STXBP4: variants seen among roughly 807,000 people sequenced by gnomAD.
The protein encoded by STXBP4 is syntaxin-binding protein 4.
In STXBP4, 55 loss-of-function variants were observed where a neutral mutation model predicts 76.1. The ratio of observed to expected loss-of-function variants is 0.72; its 90% CI spans 0.58 to 0.91. STXBP4 has a LOEUF of 0.91. Among genes scored for constraint, STXBP4 ranks in the 40% least tolerant of loss-of-function variants. STXBP4 has a pLI of 0.00. For synonymous variants in STXBP4, 201 were observed against 220.2 expected, an observed-to-expected ratio of 0.91 and a Z score of 0.77; for missense variants, 618 against 636.9, an observed-to-expected ratio of 0.97 and a Z score of 0.32.
chr17:55,058,243 A>T (rs1325424557), intron 12 of STXBP4, among the ~76,000 whole-genome samples: 1 of 152,172 alleles, frequency 6.6e-6, no homozygotes, highest in Admixed American at 6.5e-5. Context: ...CATGATCGCC[A>T]TTCTAACTGG....
intron 16 of STXBP4, among the ~76,000 whole-genome samples, chr17:55,122,750 G>T (rs1407200761): frequency 6.6e-6 from 1 of 152,078 alleles, no homozygotes; most frequent in Non-Finnish European, 1.5e-5. Flanking sequence ...GTGTCTATGT[G>T]TGCTAATGGA....
At chr17:55,079,286 A>G (rs1216147121) in intron 15 of STXBP4, among the ~76,000 whole-genome samples, 1 of 152,200 alleles carries the variant, frequency 6.6e-6, no homozygotes, top group African/African-American at 2.4e-5. Flanking sequence ...CATACTAATC[A>G]AATTTATTTA....
rs10632680 is a variant in STXBP4, at chr17:55,125,479, C to CAA, written c.1490-15811_1490-15810dup. ...CCTATTGTAAACCCTGGACAAAATA[C>CAA]AAAAAAAAAAAAAAAAAAAAATACA... is the stretch of plus-strand genomic sequence containing the variant. On this transcript the variant is annotated intron_variant, in intron 16 of 17. Coordinates refer to ENST00000376352, the MANE Select transcript of STXBP4 (RefSeq NM_178509.6). Among the ~76,000 whole-genome samples the CAA allele has an allele frequency of 8.8e-3, 803 of 91,714 alleles. 17 individuals are homozygous for CAA. Among genetic ancestry groups the CAA allele is most frequent in the Middle Eastern group, 0.032 (4 of 124 alleles). 60.2% of individuals were successfully genotyped at this position (91,714 alleles called of 152,430 possible).
chr17:54,970,984 A>AT (rs397688091), intron 1 of STXBP4, among the ~76,000 whole-genome samples: 1 of 151,444 alleles, frequency 6.6e-6, no homozygotes, highest in Non-Finnish European at 1.5e-5. Flanking sequence ...TGACAACTAA[A>AT]TATTTTGGTT....
At chr17:55,150,656 G>A (rs1470770072) in intron 17 of STXBP4, among the ~76,000 whole-genome samples, 2 of 152,056 alleles carry the variant, frequency 1.3e-5, no homozygotes, top group African/African-American at 4.8e-5. Flanking sequence ...CATGCTAAAC[G>A]TTTAGCAAGT....
chr17:55,102,209 G>A (rs770419284), intron 16 of STXBP4, among the ~76,000 whole-genome samples: 4 of 151,756 alleles, frequency 2.6e-5, no homozygotes, highest in Non-Finnish European at 5.9e-5. Flanking sequence ...CACATGCCAT[G>A]GTGGTTTGCT....
chr17:55,210,474 G>T, the STXBP4 span, among the ~76,000 whole-genome samples: 1 of 152,162 alleles, frequency 6.6e-6, no homozygotes, highest in African/African-American at 2.4e-5. Flanking sequence ...ATGTTGGCAG[G>T]TTGCCATCTG....
At chr17:55,113,676 A>G (rs778518005) in intron 16 of STXBP4, among the ~76,000 whole-genome samples, 36 of 152,146 alleles carry the variant, frequency 2.4e-4, no homozygotes, top group Non-Finnish European at 4.9e-4. Flanking sequence ...TTTTGAAAAG[A>G]CCTGGAAAGA....
At chr17:55,184,673 C>T in the STXBP4 span, among the ~76,000 whole-genome samples, 1 of 152,126 alleles carries the variant, frequency 6.6e-6, no homozygotes, top group African/African-American at 2.4e-5. Flanking sequence ...TCATAAACGT[C>T]AGGGGAAAAC....
intron 16 of STXBP4, among the ~76,000 whole-genome samples, chr17:55,126,759 T>C (rs1226809808): frequency 1.3e-5 from 2 of 152,224 alleles, no homozygotes; most frequent in African/African-American, 4.8e-5. Context: ...ACTGGGTTTC[T>C]ATATTCCATA....
chr17:55,050,702 G>T (rs930967308), intron 12 of STXBP4, among the ~76,000 whole-genome samples: 2 of 152,076 alleles, frequency 1.3e-5, no homozygotes, highest in African/African-American at 4.8e-5. Context: ...ACAAAGTCTT[G>T]TTCCATCCAG....
intron 16 of STXBP4, among the ~76,000 whole-genome samples, chr17:55,133,898 CATTTTTGTAAG>C (rs2079998995): frequency 6.6e-6 from 1 of 151,898 alleles, no homozygotes. Flanking sequence ...TAGACAAATC[CATTTTTGTAAG>C]GTTTTTGTAA....
At chr17:55,192,986 AC>A in the STXBP4 span, among the ~76,000 whole-genome samples, 1 of 152,208 alleles carries the variant, frequency 6.6e-6, no homozygotes, top group African/African-American at 2.4e-5. Context: ...AATACCATGC[AC>A]TTAACCACTG....
intron 11 of STXBP4, 125 bp downstream of exon 11, chr17:55,043,450 T>C (rs1205345553): frequency 2.7e-6 from 2 of 747,386 alleles, no homozygotes; most frequent in African/African-American, 1.8e-5. Context: ...TAATATCAAA[T>C]AGTAAAAATC....
intron 17 of STXBP4, among the ~76,000 whole-genome samples, chr17:55,153,065 T>C (rs1191733303): frequency 1.3e-5 from 2 of 152,174 alleles, no homozygotes; most frequent in East Asian, 1.9e-4. Flanking sequence ...ATCCCGGCTC[T>C]AACATGCACT....
intron 10 of STXBP4, among the ~76,000 whole-genome samples, chr17:55,042,460 G>A (rs1246692773): frequency 6.6e-6 from 1 of 151,550 alleles, no homozygotes; most frequent in Non-Finnish European, 1.5e-5. Flanking sequence ...TATCTAAAGG[G>A]CCCTGCTTTA....
At chr17:54,987,754 C>CT (rs2077647440) in intron 3 of STXBP4, among the ~76,000 whole-genome samples, 1 of 152,060 alleles carries the variant, frequency 6.6e-6, no homozygotes, top group Admixed American at 6.6e-5. Flanking sequence ...ATCAGAGGGT[C>CT]TTTTTTTGTT....
intron 1 of STXBP4, among the ~76,000 whole-genome samples, chr17:54,972,776 G>A (rs1454586245): frequency 6.6e-6 from 1 of 152,168 alleles, no homozygotes; most frequent in Admixed American, 6.5e-5. Flanking sequence ...AAATTTTTGT[G>A]TATAAACAAG....
chr17:55,036,960 A>T (rs919575008), intron 10 of STXBP4, among the ~76,000 whole-genome samples: 1 of 152,128 alleles, frequency 6.6e-6, no homozygotes, highest in Non-Finnish European at 1.5e-5. Flanking sequence ...CATTTAAAAA[A>T]TGATGCATGT....
Sources: gnomAD v4.1 joint callset for allele counts (sites outside exome capture counted in the v4.1 genomes callset) on GRCh38, gnomAD v4.1.1 for gene constraint, MANE v1.5 for transcripts, NCBI Gene and HGNC (gene_info 2026-07-23, HGNC 2026-07-21) for gene names.